Variants in IL18R1 observed in about 807,000 individuals in gnomAD.
The protein encoded by IL18R1 is interleukin 18 receptor 1.
In IL18R1, 40 loss-of-function variants were observed where a neutral mutation model predicts 48.5. That is an observed-to-expected ratio of 0.82 (90% CI 0.64 to 1.07). The LOEUF is 1.07. Ranked by LOEUF, IL18R1 falls within the 50% of genes least tolerant of loss-of-function variation. The probability of loss-of-function intolerance (pLI) is 0.00; values close to 1 mark genes in which losing one functional copy is unlikely to be tolerated. For synonymous variants in IL18R1, 232 were observed against 225.9 expected (o/e 1.03, Z -0.24); for missense variants, 596 against 633.7 (o/e 0.94, Z 0.64).
chr2:102,384,891 G>A lies in IL18R1; in HGVS notation c.702G>A (p.Arg234=). ...HVAVELGKNV[R]LNCSALLNEE... ...AACTTTTACCAGGAAAAAACGTAAG[G>A]CTCAACTGCTCTGCTTTGCTGAATG... The change falls in exon 7 of 11, where the codon AGG becomes AGA. Residue 234 remains arginine (R), a synonymous_variant. Transcript: ENST00000233957. 1 of 1,608,814 alleles carries A rather than the reference G, an allele frequency of 6.2e-7. No individual in the cohort carries two copies. Among genetic ancestry groups the A allele is most frequent in the Non-Finnish European group, 8.5e-7 (1 of 1,177,410 alleles).
chr2:102,392,392 G>A (rs1168111260), intron 9 of IL18R1, among the ~76,000 whole-genome samples: 1 of 152,124 alleles, frequency 6.6e-6, no homozygotes, highest in East Asian at 1.9e-4. Context: ...CTGACTTTCT[G>A]GAGCTAAGAT....
intron 8 of IL18R1, among the ~76,000 whole-genome samples, chr2:102,387,751 A>T (rs527375911): frequency 6.6e-6 from 1 of 152,320 alleles, no homozygotes; most frequent in East Asian, 1.9e-4. Context: ...AGAGAGACAG[A>T]GACTAACACA....
At chr2:102,377,956 C>A (rs1007832668) in intron 5 of IL18R1, among the ~76,000 whole-genome samples, 3 of 152,202 alleles carry the variant, frequency 2.0e-5, no homozygotes, top group Non-Finnish European at 4.4e-5. Context: ...CCTGGGAAAC[C>A]CATAACTGAA....
At position 102,356,323 on chromosome 2, in the gene IL18R1, C is replaced by G; in HGVS notation, c.-106C>G. ...CGCTGCTTCTCACCTACTTTCTGAACTTGGCCTCCGCAGTCGCGACCTGGC... is the reference window on the plus strand; with the variant it reads ...CGCTGCTTCTCACCTACTTTCTGAAGTTGGCCTCCGCAGTCGCGACCTGGC... On this transcript the variant is annotated 5_prime_UTR_variant, in exon 1 of 11. Transcript: ENST00000233957. The G allele has an allele frequency of 1.0e-6, 1 of 984,508 alleles. No homozygotes were observed. Among genetic ancestry groups the G allele is most frequent in the Non-Finnish European group, 1.2e-6 (1 of 829,720 alleles). The allele number at this position is 984,508 out of a possible 1,614,324, so 61.0% of individuals were successfully genotyped here. A position where few individuals can be genotyped will look rare whatever the true frequency, so the allele number is the denominator to read the frequency against.
intron 10 of IL18R1, among the ~76,000 whole-genome samples, 184 bp downstream of exon 10, chr2:102,394,811 C>A (rs1174821413): frequency 6.6e-6 from 1 of 152,166 alleles, no homozygotes; most frequent in Non-Finnish European, 1.5e-5. Context: ...TTCCAATAGT[C>A]TCTTCTCTTG....
chr2:102,390,794 G>A (rs1296690354), intron 9 of IL18R1, among the ~76,000 whole-genome samples: 3 of 152,128 alleles, frequency 2.0e-5, no homozygotes, highest in East Asian at 1.9e-4. Context: ...TTAGCCGGGC[G>A]TGGTGGTAGG....
chr2:102,372,348 G>A (rs1679316448), intron 4 of IL18R1, among the ~76,000 whole-genome samples: 1 of 152,150 alleles, frequency 6.6e-6, no homozygotes, highest in South Asian at 2.1e-4. Flanking sequence ...TTCAATAAAT[G>A]ATCACAGTTT....
intron 2 of IL18R1, among the ~76,000 whole-genome samples, chr2:102,364,361 C>T (rs1438251794): frequency 6.6e-6 from 1 of 152,192 alleles, no homozygotes; most frequent in Non-Finnish European, 1.5e-5. Flanking sequence ...GAAAAGAACA[C>T]ATCACTGCTA....
intron 5 of IL18R1, among the ~76,000 whole-genome samples, 196 bp from the exon 6 acceptor site, chr2:102,381,424 C>A (rs3213733): frequency 0.21 from 32,318 of 152,076 alleles, 3,829 homozygotes; most frequent in African/African-American, 0.31. Flanking sequence ...AGCTGCAGAT[C>A]TGAGTGAGAG....
chr2:102,386,993 G>A lies in IL18R1; in HGVS notation c.942G>A (p.Val314=), dbSNP rs201272290. 2 of 1,610,394 alleles carry A rather than the reference G, an allele frequency of 1.2e-6. No homozygotes were observed. Among genetic ancestry groups the A allele is most frequent in the Non-Finnish European group, 1.7e-6 (2 of 1,179,220 alleles). Residue 314 remains valine, a synonymous_variant, in exon 8 of 11, where the codon GTG becomes GTA. Transcript: ENST00000233957. ...GGTDTKSFIL[V]RKADMADIPG... ...CAGACACCAAAAGCTTCATCTTGGT[G>A]AGAAAAGGTGAGAAAGATTTATTTT...
chr2:102,366,695 C>T (rs1290788194), intron 2 of IL18R1, among the ~76,000 whole-genome samples: 2 of 152,094 alleles, frequency 1.3e-5, no homozygotes, highest in Non-Finnish European at 2.9e-5. Context: ...TTCTGCAGGG[C>T]TGGGGAGGCC....
chr2:102,363,259 T>G (rs1365529966), intron 2 of IL18R1, among the ~76,000 whole-genome samples: 1 of 151,886 alleles, frequency 6.6e-6, no homozygotes, highest in Non-Finnish European at 1.5e-5. Flanking sequence ...CATGATTGAA[T>G]AGCAAGGCAT....
At chr2:102,381,102 G>C (rs887107752) in intron 5 of IL18R1, among the ~76,000 whole-genome samples, 1 of 152,210 alleles carries the variant, frequency 6.6e-6, no homozygotes, top group African/African-American at 2.4e-5. Flanking sequence ...CTACAGGCAT[G>C]AACTTAACAG....
intron 10 of IL18R1, among the ~76,000 whole-genome samples, chr2:102,395,087 G>A (rs1361791323): frequency 6.6e-6 from 1 of 152,006 alleles, no homozygotes; most frequent in Non-Finnish European, 1.5e-5. Flanking sequence ...TGTTGATATT[G>A]GTGACGAAAT....
At position 102,384,798 on chromosome 2, in the gene IL18R1, A is replaced by C. The variant is rs959726256; in HGVS notation, c.689-80A>C. On this transcript the variant is annotated intron_variant, in intron 6 of 10. Transcript: ENST00000233957. Reference sequence around the variant, plus strand: ...GCACCACGTTTTGCTTTAGGTTAACATACATTGATTATATTGTTTTGAAAC... The same window carrying C: ...GCACCACGTTTTGCTTTAGGTTAACCTACATTGATTATATTGTTTTGAAAC... 3 of 1,533,926 alleles carry C rather than the reference A, an allele frequency of 2.0e-6. No homozygotes were observed. The African/African-American group carries it at 4.2e-5, about 21-fold the overall frequency.
At chr2:102,360,848 A>G (rs978871732) in intron 1 of IL18R1, among the ~76,000 whole-genome samples, 1 of 152,252 alleles carries the variant, frequency 6.6e-6, no homozygotes, top group Non-Finnish European at 1.5e-5. Flanking sequence ...AATACTTGCT[A>G]GAGTATCTGT....
At chr2:102,386,128 C>T (rs1680211016) in intron 7 of IL18R1, among the ~76,000 whole-genome samples, 1 of 152,146 alleles carries the variant, frequency 6.6e-6, no homozygotes, top group Admixed American at 6.5e-5. Context: ...GCTCTGTGTC[C>T]CGGGTCCTAG....
intron 3 of IL18R1, among the ~76,000 whole-genome samples, chr2:102,370,606 A>G (rs1273094626): frequency 6.6e-6 from 1 of 152,198 alleles, no homozygotes; most frequent in Non-Finnish European, 1.5e-5. Context: ...GATTCATTGG[A>G]TTGTGAAAGT....
Position 102,386,851 on chromosome 2 carries a change from C to A in IL18R1, c.810-10C>A, listed in dbSNP as rs757291631. ...AGAGCCTACTGCTAAATTATTTTGC[C>A]CTCTTACAGGACTCCAGAAGGCAAA... On this transcript the variant is annotated splice_polypyrimidine_tract_variant and intron_variant, in intron 7 of 10. Transcript: ENST00000233957. The A allele has an allele frequency of 1.4e-5, 23 of 1,613,458 alleles. No individual in the cohort carries two copies. The South Asian group carries it at 2.5e-4, about 18-fold the overall frequency.
Sources: allele counts gnomAD v4.1 joint callset (sites outside exome capture counted in the v4.1 genomes callset), GRCh38; gene constraint gnomAD v4.1.1; transcripts MANE v1.5; gene names NCBI Gene and HGNC (gene_info 2026-07-23, HGNC 2026-07-21).